The following TAF4 variants were observed in gnomAD, a reference collection of about 807,000 sequenced individuals.
TAF4 encodes the protein transcription initiation factor TFIID subunit 4.
TAF4 carries 9 observed loss-of-function variants against 90.3 expected under a neutral mutation model. The ratio of observed to expected loss-of-function variants is 0.10; its 90% confidence interval spans 0.06 to 0.17. The LOEUF is 0.17. Ranked by LOEUF, TAF4 falls within the 10% of genes least tolerant of loss-of-function variation. TAF4 has a pLI of 1.00. For missense variants in TAF4, 1,351 were observed against 1,370.7 expected (o/e 0.99, Z 0.23); for synonymous variants, 818 against 638.9 (o/e 1.28, Z -4.23).
rs761015546 is a variant in TAF4, at chr20:61,997,625, G to A, written c.3015C>T (p.Asn1005=). ...GCCCGATCGCTGCTAGTGCTGTGAG[G>A]TTGGCGTCCCGCTGTCTCATTTGTG... is the stretch of plus-strand genomic sequence containing the variant. ...ELAQMRQRDA[N]LTALAAIGPR... The change falls in exon 14 of 15, where the codon AAC becomes AAT. Residue 1005 remains asparagine (N), a synonymous_variant. Transcript: ENST00000252996. 1.2e-6 allele frequency: 2 copies of A among 1,613,602 alleles called. No homozygotes were observed. Among genetic ancestry groups the A allele is most frequent in the Non-Finnish European group, 1.7e-6 (2 of 1,179,856 alleles).
intron 1 of TAF4, among the ~76,000 whole-genome samples, chr20:62,021,467 C>T (rs2055842715): frequency 1.3e-5 from 2 of 152,268 alleles, no homozygotes; most frequent in Non-Finnish European, 2.9e-5. Flanking sequence ...GCTGCCTGCA[C>T]AGGGAGCAGA....
intron 2 of TAF4, among the ~76,000 whole-genome samples, chr20:62,014,009 CGGGGGTGT>C (rs2055796537): frequency 7.5e-6 from 1 of 133,040 alleles, no homozygotes; most frequent in African/African-American, 3.4e-5. Context: ...AAGGCTGACG[CGGGGGTGT>C]GGGTGTGTGT....
intron 1 of TAF4, among the ~76,000 whole-genome samples, chr20:62,056,802 G>GA (rs553407082): frequency 6.5e-4 from 98 of 149,982 alleles, no homozygotes; most frequent in Non-Finnish European, 1.1e-3. Context: ...TTCCTATAAT[G>GA]AAAAAAAAAC....
chr20:62,060,053 C>T (rs921885688), intron 1 of TAF4, among the ~76,000 whole-genome samples: 3 of 152,242 alleles, frequency 2.0e-5, no homozygotes, highest in African/African-American at 4.8e-5. Flanking sequence ...CTGCTGAGCC[C>T]GGTCTGTGCT....
intron 1 of TAF4, among the ~76,000 whole-genome samples, chr20:62,021,590 C>G (rs902729735): frequency 6.6e-6 from 1 of 152,368 alleles, no homozygotes; most frequent in East Asian, 1.9e-4. Flanking sequence ...CTGCGGACTG[C>G]GGCTGGGCAG....
At chr20:62,062,390 T>G (rs1162090641) in intron 1 of TAF4, among the ~76,000 whole-genome samples, 3 of 152,220 alleles carry the variant, frequency 2.0e-5, no homozygotes, top group African/African-American at 7.2e-5. Context: ...ATACTGGTAG[T>G]TTTATTGATA....
intron 9 of TAF4, among the ~76,000 whole-genome samples, chr20:62,000,962 C>T (rs755352051): frequency 1.1e-3 from 165 of 152,242 alleles, no homozygotes; most frequent in Non-Finnish European, 1.7e-3. Flanking sequence ...TTAACATCTA[C>T]ACACAGATGC....
intron 1 of TAF4, among the ~76,000 whole-genome samples, chr20:62,041,279 T>C (rs1351025398): frequency 3.3e-5 from 5 of 152,172 alleles, no homozygotes; most frequent in Non-Finnish European, 7.3e-5. Flanking sequence ...GTATATAAAT[T>C]ATGTCCCCTC....
At chr20:62,038,279 G>A (rs1040081654) in intron 1 of TAF4, among the ~76,000 whole-genome samples, 5 of 150,498 alleles carry the variant, frequency 3.3e-5, no homozygotes, top group South Asian at 2.1e-4. Flanking sequence ...CACCAGCTTC[G>A]GCCTCCCAAA....
intron 2 of TAF4, among the ~76,000 whole-genome samples, chr20:62,013,202 T>A (rs1169224764): frequency 6.6e-6 from 1 of 152,234 alleles, no homozygotes; most frequent in Admixed American, 6.5e-5. Context: ...CGCAGGTATC[T>A]AGAAATCAAT....
intron 11 of TAF4, 42 bp downstream of exon 11, chr20:62,000,082 C>A: frequency 6.2e-7 from 1 of 1,614,042 alleles, no homozygotes; most frequent in Non-Finnish European, 8.5e-7. Context: ...AGAGTGGGGG[C>A]CAACAACATA....
At chr20:62,022,746 G>A (rs1199252111) in intron 1 of TAF4, among the ~76,000 whole-genome samples, 4 of 152,216 alleles carry the variant, frequency 2.6e-5, no homozygotes, top group African/African-American at 9.6e-5. Context: ...ATAAGGGACG[G>A]CGCAAAGCAG....
Position 62,065,844 on chromosome 20 carries a change from C to A in TAF4, c.-34G>T. On this transcript the variant is annotated 5_prime_UTR_variant, in exon 1 of 15. Coordinates refer to ENST00000252996, the MANE Select transcript of TAF4 (RefSeq NM_003185.4). ...CTCGGCCGCCGCCGCCGCCGCCGCT[C>A]GGGCCGAGCGCGCCTGGGCGAGGAG... The A allele has an allele frequency of 8.2e-7, 1 of 1,220,686 alleles. No individual in the cohort carries two copies. Among genetic ancestry groups the A allele is most frequent in the South Asian group, 1.4e-5 (1 of 70,530 alleles). The allele number at this position is 1,220,686 out of a possible 1,614,324, so 75.6% of individuals were successfully genotyped here.
At chr20:62,001,786 T>C (rs1179864924) in intron 9 of TAF4, among the ~76,000 whole-genome samples, 8 of 152,178 alleles carry the variant, frequency 5.3e-5, no homozygotes, top group Admixed American at 5.2e-4. Context: ...TGTCCACTGC[T>C]CTCTGACACA....
At chr20:62,026,189 A>AAC (rs764536663) in intron 1 of TAF4, among the ~76,000 whole-genome samples, 3 of 152,130 alleles carry the variant, frequency 2.0e-5, no homozygotes, top group Non-Finnish European at 4.4e-5. Context: ...GCCTCTTAAG[A>AAC]ACACTAGGAG....
chr20:62,008,450 C>T (rs532311084), intron 5 of TAF4, among the ~76,000 whole-genome samples: 1 of 149,192 alleles, frequency 6.7e-6, no homozygotes, highest in South Asian at 2.1e-4. Context: ...GAGCTTGGGA[C>T]TGTGGGTTAA....
At chr20:61,983,031 C>T (rs2055560215) in intron 14 of TAF4, among the ~76,000 whole-genome samples, 3 of 152,174 alleles carry the variant, frequency 2.0e-5, no homozygotes, top group Non-Finnish European at 1.5e-5. Context: ...AAGAGACATC[C>T]TCAGGCTCTG....
chr20:62,003,592 CAGTGCCACT>C, intron 8 of TAF4, 130 bp downstream of exon 8: 1 of 944,712 alleles, frequency 1.1e-6, no homozygotes, highest in Non-Finnish European at 1.5e-6. Flanking sequence ...TAAATGAAAT[CAGTGCCACT>C]GAACTAGATA....
rs1324483306 is a variant in TAF4 at position 62,003,837 on chromosome 20, G to A, written c.2265C>T (p.Pro755=). ...QPPKPGALIR[P]PQVTLTQTPM... ...GTGTCTGCGTCAACGTCACCTGCGGGGGCCGGATCAGGGCTCCTGGCTTCG... is the reference window on the plus strand; with the variant it reads ...GTGTCTGCGTCAACGTCACCTGCGGAGGCCGGATCAGGGCTCCTGGCTTCG... Residue 755 remains proline (P), a synonymous_variant, in exon 8 of 15, where the codon CCC becomes CCT. Coordinates refer to ENST00000252996, the MANE Select transcript of TAF4 (RefSeq NM_003185.4). 13 of 1,598,516 alleles carry A rather than the reference G, an allele frequency of 8.1e-6. No homozygotes were observed. Among genetic ancestry groups the A allele is most frequent in the Non-Finnish European group, 6.0e-6 (7 of 1,174,284 alleles).
Sources: allele counts gnomAD v4.1 joint callset (sites outside exome capture counted in the v4.1 genomes callset), GRCh38; gene constraint gnomAD v4.1.1; transcripts MANE v1.5; gene names NCBI Gene and HGNC (gene_info 2026-07-23, HGNC 2026-07-21).